The following SRD5A2 variants were observed in gnomAD, a reference collection of about 807,000 sequenced individuals.
SRD5A2 encodes 3-oxo-5-alpha-steroid 4-dehydrogenase 2.
A neutral mutation model predicts 27.4 loss-of-function variants in SRD5A2; 30 were observed. That is an observed-to-expected ratio of 1.10 (90% CI 0.82 to 1.49). SRD5A2 has a LOEUF of 1.49. Ranked by LOEUF, SRD5A2 falls within the 40% of genes most tolerant of loss-of-function variation. The pLI, the probability that SRD5A2 is intolerant of heterozygous loss-of-function variation, is 0.00. For missense variants in SRD5A2, 348 were observed against 323.4 expected (o/e 1.08, Z -0.58); for synonymous variants, 141 against 133.6 (o/e 1.06, Z -0.38).
intron 1 of SRD5A2, among the ~76,000 whole-genome samples, chr2:31,545,293 C>G (rs1268524465): frequency 6.6e-6 from 1 of 151,926 alleles, no homozygotes; most frequent in Non-Finnish European, 1.5e-5. Context: ...AATTATAGAG[C>G]AGTATTTTTT....
intron 1 of SRD5A2, chr2:31,563,163 A>G (rs1666660289): frequency 6.6e-6 from 1 of 152,162 alleles, no homozygotes; most frequent in Non-Finnish European, 1.5e-5. Flanking sequence ...TTAGTCTTCT[A>G]AGTAAAATAC....
intron 1 of SRD5A2, among the ~76,000 whole-genome samples, chr2:31,549,585 T>C (rs1666342637): frequency 6.6e-6 from 1 of 151,992 alleles, no homozygotes; most frequent in Admixed American, 6.6e-5. Context: ...TGAAGTAGAG[T>C]TACTATACTA....
intron 1 of SRD5A2, among the ~76,000 whole-genome samples, chr2:31,575,955 G>A (rs1024849648): frequency 2.0e-5 from 3 of 152,146 alleles, no homozygotes; most frequent in Non-Finnish European, 4.4e-5. Context: ...TTTAGACAAG[G>A]GGTCATTCCA....
chr2:31,618,662 C>A, the SRD5A2 span, among the ~76,000 whole-genome samples: 2 of 152,062 alleles, frequency 1.3e-5, no homozygotes, highest in Non-Finnish European at 2.9e-5. Flanking sequence ...GGGTGGTTAC[C>A]TGAGGCTAAG....
intron 1 of SRD5A2, among the ~76,000 whole-genome samples, chr2:31,544,771 T>G (rs941924231): frequency 1.3e-5 from 2 of 151,976 alleles, no homozygotes; most frequent in African/African-American, 2.4e-5. Flanking sequence ...GCTCCTTCTT[T>G]AAAAATTTTT....
At chr2:31,595,441 A>T in the SRD5A2 span, among the ~76,000 whole-genome samples, 2 of 152,198 alleles carry the variant, frequency 1.3e-5, no homozygotes, top group African/African-American at 4.8e-5. Context: ...ATGTGCATAA[A>T]CTAAAAAACC....
At chr2:31,648,198 A>G in the SRD5A2 span, among the ~76,000 whole-genome samples, 1 of 152,246 alleles carries the variant, frequency 6.6e-6, no homozygotes, top group Admixed American at 6.5e-5. Flanking sequence ...TGGCAAAGGC[A>G]TCAAAAAATG....
intron 1 of SRD5A2, among the ~76,000 whole-genome samples, chr2:31,562,198 G>A (rs1446105712): frequency 6.6e-6 from 1 of 152,054 alleles, no homozygotes; most frequent in African/African-American, 2.4e-5. Flanking sequence ...GCTTCTTAGT[G>A]CAGCCCAGGT....
the SRD5A2 span, among the ~76,000 whole-genome samples, chr2:31,619,149 AAGAC>A: frequency 2.0e-5 from 3 of 152,148 alleles, no homozygotes; most frequent in African/African-American, 7.2e-5. Flanking sequence ...TATAATCAAA[AAGAC>A]AGACAATAAC....
At chr2:31,534,248 T>C (rs1572632058) in intron 1 of SRD5A2, among the ~76,000 whole-genome samples, 1 of 152,214 alleles carries the variant, frequency 6.6e-6, no homozygotes, top group African/African-American at 2.4e-5. Flanking sequence ...CTAATTACTC[T>C]TGAATTGGCA....
At chr2:31,565,281 C>G (rs185937508) in intron 1 of SRD5A2, among the ~76,000 whole-genome samples, 12 of 151,710 alleles carry the variant, frequency 7.9e-5, no homozygotes, top group African/African-American at 2.7e-4. Context: ...GAAATAGGAA[C>G]AAATAACAGA....
chr2:31,650,943 A>G, the SRD5A2 span, among the ~76,000 whole-genome samples: 9 of 152,220 alleles, frequency 5.9e-5, no homozygotes, highest in Non-Finnish European at 1.2e-4. Context: ...CGACCAACAT[A>G]ATAATGAGAT....
chr2:31,654,303 C>A, the SRD5A2 span, among the ~76,000 whole-genome samples: 1 of 152,140 alleles, frequency 6.6e-6, no homozygotes, highest in South Asian at 2.1e-4. Flanking sequence ...GGCAAGGATA[C>A]ACTACTTGCA....
At chr2:31,599,998 G>A in the SRD5A2 span, among the ~76,000 whole-genome samples, 1 of 151,608 alleles carries the variant, frequency 6.6e-6, no homozygotes, top group East Asian at 1.9e-4. Flanking sequence ...CTACACCTCA[G>A]GTAGGCCCCA....
intron 1 of SRD5A2, among the ~76,000 whole-genome samples, chr2:31,573,199 T>G (rs1666887139): frequency 6.6e-6 from 1 of 152,166 alleles, no homozygotes; most frequent in Non-Finnish European, 1.5e-5. Context: ...AAAATAGCAC[T>G]AATAACAGGG....
At chr2:31,643,458 G>A in the SRD5A2 span, among the ~76,000 whole-genome samples, 1 of 152,088 alleles carries the variant, frequency 6.6e-6, no homozygotes, top group Non-Finnish European at 1.5e-5. Flanking sequence ...ATAGATATGT[G>A]TGTACTTATT....
chr2:31,650,197 A>G, the SRD5A2 span, among the ~76,000 whole-genome samples: 7 of 152,118 alleles, frequency 4.6e-5, no homozygotes, highest in Admixed American at 4.6e-4. Context: ...CTCCCACAAC[A>G]TTGCTAGCAC....
chr2:31,536,142 A>G (rs1666023561), intron 1 of SRD5A2, among the ~76,000 whole-genome samples: 1 of 152,220 alleles, frequency 6.6e-6, no homozygotes, highest in Non-Finnish European at 1.5e-5. Flanking sequence ...AAGCTTTGGG[A>G]GCCTGAAGGT....
chr2:31,590,030 G>C, the SRD5A2 span, among the ~76,000 whole-genome samples: 5 of 152,058 alleles, frequency 3.3e-5, no homozygotes, highest in Admixed American at 2.6e-4. Context: ...TAATGCAGTA[G>C]AGGCACCCAT....
Sources: allele counts gnomAD v4.1 joint callset (sites outside exome capture counted in the v4.1 genomes callset), GRCh38; gene constraint gnomAD v4.1.1; transcripts MANE v1.5; gene names NCBI Gene and HGNC (gene_info 2026-07-23, HGNC 2026-07-21).